Variants in SLC35F5 observed in about 807,000 individuals in gnomAD.
SLC35F5 encodes HCV NS5A-transactivated protein 3.
SLC35F5 carries 54 observed loss-of-function variants against 68.6 expected under a neutral mutation model. That is an observed-to-expected ratio of 0.79 (90% CI 0.63 to 0.99). The LOEUF is 0.99. Among genes scored for constraint, SLC35F5 ranks in the 50% least tolerant of loss-of-function variants. The pLI, the probability that SLC35F5 is intolerant of heterozygous loss-of-function variation, is 0.00. For missense variants in SLC35F5, 567 were observed against 626.9 expected (o/e 0.90, Z 1.02); for synonymous variants, 211 against 205.2 (o/e 1.03, Z -0.24).
In SLC35F5 at chr2:113,742,905, ATAAT is replaced by A. The variant is rs1676341470; in HGVS notation, c.563-30_563-27del. 3 of 1,575,994 alleles carry A rather than the reference ATAAT, an allele frequency of 1.9e-6. No homozygotes were observed. In the African/African-American group the frequency reaches 4.1e-5, roughly 21 times the overall value. Reference sequence around the variant, plus strand: ...CTTAAAAGGAAGAGCATAATATGAAATAATTAAATAATTCCTCTCCAACAAAAGT... The same window carrying A: ...CTTAAAAGGAAGAGCATAATATGAAATAAATAATTCCTCTCCAACAAAAGT... On this transcript the variant is annotated intron_variant, in intron 6 of 15. Transcript: ENST00000245680.
intron 7 of SLC35F5, among the ~76,000 whole-genome samples, chr2:113,740,731 A>C (rs1324283746): frequency 6.6e-6 from 1 of 151,908 alleles, no homozygotes; most frequent in Non-Finnish European, 1.5e-5. Context: ...GGTTCAAGCG[A>C]TTCTCCTGCC....
intron 15 of SLC35F5, chr2:113,717,462 A>G (rs1344073853): frequency 1.0e-5 from 2 of 196,870 alleles, no homozygotes; most frequent in African/African-American, 4.7e-5. Context: ...GTCAGGCACT[A>G]TTATACATAC....
chr2:113,729,485 C>T lies in SLC35F5; in HGVS notation c.1006G>A (p.Gly336Arg). 6.3e-7 allele frequency: 1 copy of T among 1,588,842 alleles called. No individual in the cohort carries two copies. The highest frequency in any genetic ancestry group is 8.6e-7 in the Non-Finnish European group (1 of 1,167,152). ...ATATAGACAGCATAGAGCATGGCTC[C>T]AGCAAGAGACCAAATGGAACCTGTA... ...DTVGSIWSLAGAMLYAVYIVM... is the reference protein window; with the variant it reads ...DTVGSIWSLARAMLYAVYIVM... The change falls in exon 11 of 16, where the codon GGA becomes AGA. Residue 336 changes from glycine to arginine, a missense_variant. Coordinates refer to ENST00000245680, the MANE Select transcript of SLC35F5 (RefSeq NM_025181.5).
intron 7 of SLC35F5, among the ~76,000 whole-genome samples, chr2:113,740,008 G>A (rs775402047): frequency 6.6e-6 from 1 of 152,122 alleles, no homozygotes; most frequent in Non-Finnish European, 1.5e-5. Context: ...CTTCATCCTC[G>A]TCATCCTCAT....
Position 113,713,749 on chromosome 2 carries a change from TAAAAAAAA to T in SLC35F5, c.*1461_*1468del, listed in dbSNP as rs879896652. 1 of 98,504 alleles carries T rather than the reference TAAAAAAAA, an allele frequency of 1.0e-5. No individual in the cohort carries two copies. Among genetic ancestry groups the T allele is most frequent in the Non-Finnish European group, 2.1e-5 (1 of 47,314 alleles). 6.1% of individuals were successfully genotyped at this position (98,504 alleles called of 1,614,324 possible). On this transcript the variant is annotated 3_prime_UTR_variant, in exon 16 of 16. Coordinates refer to ENST00000245680, the MANE Select transcript of SLC35F5 (RefSeq NM_025181.5). Reference sequence around the variant, plus strand: ...TTTTTGCCACTTTGGGCTGGATGATTAAAAAAAAAAAAAAAAAAAAAGAGAGCTGTTTG... The same window carrying T: ...TTTTTGCCACTTTGGGCTGGATGATTAAAAAAAAAAAAAGAGAGCTGTTTG...
intron 4 of SLC35F5, among the ~76,000 whole-genome samples, chr2:113,747,565 A>C (rs749760280): frequency 2.0e-5 from 3 of 152,222 alleles, no homozygotes; most frequent in African/African-American, 2.4e-5. Flanking sequence ...AACACACACA[A>C]GAGTTCTACT....
intron 7 of SLC35F5, among the ~76,000 whole-genome samples, chr2:113,737,524 A>C (rs185047260): frequency 1.5e-4 from 23 of 152,334 alleles, no homozygotes; most frequent in Admixed American, 1.4e-3. Flanking sequence ...TATCTGTCAA[A>C]GATTTTCTCC....
At position 113,709,982 on chromosome 2, in the gene SLC35F5, T is replaced by C. The variant is rs1686930433; in HGVS notation, c.*5236A>G. Among the ~76,000 whole-genome samples the C allele has an allele frequency of 6.6e-6, 1 of 151,980 alleles. No homozygotes were observed. Among genetic ancestry groups the C allele is most frequent in the Non-Finnish European group, 1.5e-5 (1 of 67,988 alleles). On this transcript the variant is annotated 3_prime_UTR_variant, in exon 16 of 16. Coordinates refer to ENST00000245680, the MANE Select transcript of SLC35F5 (RefSeq NM_025181.5). Reference sequence around the variant, plus strand: ...ATGCACTACCATGCCTGTTTGTTTTTTGTTTTTGTTTTTGTAGAGACAGGG... The same window carrying C: ...ATGCACTACCATGCCTGTTTGTTTTCTGTTTTTGTTTTTGTAGAGACAGGG...
downstream of SLC35F5, chr2:113,703,721 C>G (rs1313105962): frequency 6.6e-6 from 1 of 152,192 alleles, no homozygotes; most frequent in Non-Finnish European, 1.5e-5. Flanking sequence ...CTGGTAATAA[C>G]TGGTTTACGG....
chr2:113,753,632 C>T (rs1676846119), intron 3 of SLC35F5, among the ~76,000 whole-genome samples: 3 of 152,072 alleles, frequency 2.0e-5, no homozygotes, highest in Admixed American at 2.0e-4. Context: ...CATCAAAGTA[C>T]AACTGACAAA....
intron 3 of SLC35F5, among the ~76,000 whole-genome samples, chr2:113,754,324 A>G (rs2104495519): frequency 6.6e-6 from 1 of 151,228 alleles, no homozygotes; most frequent in Admixed American, 6.6e-5. Flanking sequence ...AAAAAAACTT[A>G]TATACTCATA....
rs151299889 is a variant in SLC35F5 at position 113,711,365 on chromosome 2, A to AT, written c.*3852dup. Among the ~76,000 whole-genome samples the AT allele has an allele frequency of 2.8e-3, 431 of 152,338 alleles. 15 individuals carry two copies. In the East Asian group the frequency reaches 0.065, roughly 23 times the overall value. Reference sequence around the variant, plus strand: ...ACAGAAAATTTTGTAGGAAAACACTATTTTTTAAATGTAGTAACATTAAAA... The same window carrying AT: ...ACAGAAAATTTTGTAGGAAAACACTATTTTTTTAAATGTAGTAACATTAAAA... On this transcript the variant is annotated 3_prime_UTR_variant, in exon 16 of 16. Transcript: ENST00000245680.
chr2:113,756,631 G>T lies in SLC35F5; in HGVS notation c.-222C>A. 7.9e-7 allele frequency: 1 copy of T among 1,272,164 alleles called. No homozygotes were observed. The highest frequency in any genetic ancestry group is 1.0e-6 in the Non-Finnish European group (1 of 967,316). The allele number at this position is 1,272,164 out of a possible 1,614,324, so 78.8% of individuals were successfully genotyped here. ...GGCACAGTCAGCTATGGCCGCGGAG[G>T]CCCGGAGATCTGCTCTGGCCCCGGC... is the stretch of plus-strand genomic sequence containing the variant. On this transcript the variant is annotated 5_prime_UTR_variant, in exon 1 of 16. Coordinates refer to ENST00000245680, the MANE Select transcript of SLC35F5 (RefSeq NM_025181.5).
intron 7 of SLC35F5, among the ~76,000 whole-genome samples, chr2:113,738,723 A>G (rs1475407481): frequency 6.9e-6 from 1 of 145,386 alleles, no homozygotes; most frequent in Admixed American, 6.8e-5. Flanking sequence ...TACAGTAATC[A>G]TTAACTCCTT....
chr2:113,750,451 C>T lies in SLC35F5; in HGVS notation c.391G>A (p.Gly131Arg). The change falls in exon 4 of 16, where the codon GGA (glycine) becomes AGA (arginine). Residue 131 changes from glycine to arginine, a missense_variant. Transcript: ENST00000245680. Reference sequence around the variant, plus strand: ...AAAGCAGCATGCTTTCCGCGAAGTCCTCTTGTACACTGTTGTCTCCATGGC... The same window carrying T: ...AAAGCAGCATGCTTTCCGCGAAGTCTTCTTGTACACTGTTGTCTCCATGGC... ...WKPWRQQCTR[G>R]LRGKHAAFFA... is the part of the protein sequence containing the mutation. The T allele has an allele frequency of 6.2e-7, 1 of 1,607,604 alleles. No homozygotes were observed. The highest frequency in any genetic ancestry group is 2.2e-5 in the East Asian group (1 of 44,648).
At chr2:113,739,740 G>A (rs72946618) in intron 7 of SLC35F5, among the ~76,000 whole-genome samples, 16,792 of 152,054 alleles carry the variant, frequency 0.11, 998 homozygotes, top group Non-Finnish European at 0.13. Context: ...GAACAACATG[G>A]AGATTAGGGG....
chr2:113,755,748 G>A (rs1676956662), intron 1 of SLC35F5: 2 of 1,127,084 alleles, frequency 1.8e-6, no homozygotes. Flanking sequence ...TACGCGATAC[G>A]GGGCGGGCAG....
Position 113,750,445 on chromosome 2 carries a change from G to A in SLC35F5, c.397C>T (p.Arg133Cys), listed in dbSNP as rs184692931. ...PWRQQCTRGL[R>C]GKHAAFFADA... The stretch of plus-strand genomic sequence containing the variant: ...CTTACAAAAGCAGCATGCTTTCCGC[G>A]AAGTCCTCTTGTACACTGTTGTCTC... Residue 133 changes from arginine (R) to cysteine (C), a missense_variant, in exon 4 of 16, where the codon CGC (arginine) becomes TGC (cysteine). Arg to Cys is a radical substitution (Grantham distance 180). Coordinates refer to ENST00000245680, the MANE Select transcript of SLC35F5 (RefSeq NM_025181.5). The A allele has an allele frequency of 1.3e-4, 214 of 1,600,610 alleles. No individual in the cohort carries two copies. In the East Asian group the frequency reaches 1.8e-3, roughly 13 times the overall value.
intron 3 of SLC35F5, among the ~76,000 whole-genome samples, chr2:113,754,214 C>T (rs920335287): frequency 1.1e-4 from 16 of 149,360 alleles, no homozygotes; most frequent in African/African-American, 3.2e-4. Context: ...CCCTTGAACC[C>T]GGGAGGCGGA....
Sources: gnomAD v4.1 joint callset for allele counts (sites outside exome capture counted in the v4.1 genomes callset) on GRCh38, gnomAD v4.1.1 for gene constraint, MANE v1.5 for transcripts, NCBI Gene and HGNC (gene_info 2026-07-23, HGNC 2026-07-21) for gene names.